Variants in PALLD observed in about 807,000 individuals in gnomAD.
PALLD encodes palladin.
In PALLD, 61 loss-of-function variants were observed where a neutral mutation model predicts 123.5. The ratio of observed to expected loss-of-function variants is 0.49; its 90% CI spans 0.40 to 0.61. PALLD has a LOEUF of 0.61. Among genes scored for constraint, PALLD ranks in the 20% least tolerant of loss-of-function variants. The probability of loss-of-function intolerance (pLI) is 0.00; values close to 1 mark genes in which losing one functional copy is unlikely to be tolerated. For synonymous variants in PALLD, 465 were observed against 496.4 expected (o/e 0.94, Z 0.84); for missense variants, 1,273 against 1,377.0 (o/e 0.92, Z 1.20).
chr4:168,927,610 C>A lies in PALLD; in HGVS notation c.*1430C>A. On this transcript the variant is annotated 3_prime_UTR_variant, in exon 22 of 22. Transcript: ENST00000505667. ...GCCATAAAGTATTTTTTCAAAGACA[C>A]CAAGATGTGGTAAATGAAAATTATT... is the stretch of plus-strand genomic sequence containing the variant. 4.4e-6 allele frequency: 1 copy of A among 228,364 alleles called. No homozygotes were observed. The highest frequency in any genetic ancestry group is 8.7e-6 in the Non-Finnish European group (1 of 114,840). 14.1% of individuals were successfully genotyped at this position (228,364 alleles called of 1,614,324 possible). A position where few individuals can be genotyped will look rare whatever the true frequency, so the allele number is the denominator to read the frequency against.
At chr4:168,516,190 T>C (rs1425245806) in intron 2 of PALLD, among the ~76,000 whole-genome samples, 1 of 152,196 alleles carries the variant, frequency 6.6e-6, no homozygotes, top group Non-Finnish European at 1.5e-5. Context: ...ACAATTGAGG[T>C]AGTATTCACA....
At chr4:168,650,850 A>T (rs1018422257) in intron 2 of PALLD, among the ~76,000 whole-genome samples, 6 of 152,060 alleles carry the variant, frequency 3.9e-5, no homozygotes, top group Non-Finnish European at 8.8e-5. Context: ...TAACAGTATT[A>T]CCAAGTATAA....
rs1475447486 is a variant in PALLD, at chr4:168,711,605, A to C, written c.1646A>C (p.Glu549Ala). 2 of 1,613,868 alleles carry C rather than the reference A, an allele frequency of 1.2e-6. No individual in the cohort carries two copies. Among genetic ancestry groups the C allele is most frequent in the Admixed American group, 1.7e-5 (1 of 60,014 alleles). Reference sequence around the variant, plus strand: ...GCCAACACTGAAAACTGTAGTTACGAGTCAATGGGAGAATCCAACAATGAC... The same window carrying C: ...GCCAACACTGAAAACTGTAGTTACGCGTCAATGGGAGAATCCAACAATGAC... ...TSANTENCSY[E>A]SMGESNNDHF... The change falls in exon 10 of 22, where the codon GAG becomes GCG. Residue 549 changes from glutamate to alanine, a missense_variant. Physicochemically the swap from Glu to Ala is moderately radical, Grantham distance 107 (BLOSUM62 -1). Around this residue, in one of 2 missense-constraint regions of PALLD, gnomAD observed 944 missense variants for 954.5 expected, o/e 0.99. Coordinates refer to ENST00000505667, the MANE Select transcript of PALLD (RefSeq NM_001166108.2).
At chr4:168,778,214 G>GT (rs201033852) in intron 10 of PALLD, among the ~76,000 whole-genome samples, 1,744 of 152,214 alleles carry the variant, frequency 0.011, 30 homozygotes, top group African/African-American at 0.039. Flanking sequence ...AAAGCAGAAT[G>GT]TTTTTAGTAG....
intron 10 of PALLD, among the ~76,000 whole-genome samples, chr4:168,716,957 G>A (rs1194817998): frequency 1.3e-5 from 2 of 152,076 alleles, no homozygotes; most frequent in Non-Finnish European, 2.9e-5. Flanking sequence ...GCCTCTTATG[G>A]CTGGCTCTTA....
intron 12 of PALLD, among the ~76,000 whole-genome samples, chr4:168,896,124 C>T (rs1265390040): frequency 6.6e-6 from 1 of 151,616 alleles, no homozygotes; most frequent in East Asian, 1.9e-4. Context: ...ACATGAGAAT[C>T]GCTTGAACCC....
chr4:168,536,988 C>T (rs889734479), intron 2 of PALLD, among the ~76,000 whole-genome samples: 3 of 152,168 alleles, frequency 2.0e-5, no homozygotes, highest in East Asian at 3.9e-4. Context: ...CCACCACGCC[C>T]GGCTAATTTT....
At chr4:168,565,023 CAAAAAAAA>C (rs761594759) in intron 2 of PALLD, among the ~76,000 whole-genome samples, 1 of 116,050 alleles carries the variant, frequency 8.6e-6, no homozygotes, top group Non-Finnish European at 1.8e-5. Flanking sequence ...CCATCTCTAC[CAAAAAAAA>C]AAAAAAAAAA....
chr4:168,785,846 G>T (rs113026070), intron 10 of PALLD, among the ~76,000 whole-genome samples: 12,335 of 81,198 alleles, frequency 0.15, 1,152 homozygotes, highest in East Asian at 0.27. Context: ...AAACTGTAGA[G>T]ATATATATAT....
At chr4:168,726,752 T>TA (rs201392402) in intron 10 of PALLD, among the ~76,000 whole-genome samples, 13,799 of 146,736 alleles carry the variant, frequency 0.094, 682 homozygotes, top group South Asian at 0.15. Flanking sequence ...GCTGTCCCTT[T>TA]AAAAAAAAAA....
At chr4:168,823,164 T>C (rs1035321749) in intron 10 of PALLD, among the ~76,000 whole-genome samples, 1 of 152,222 alleles carries the variant, frequency 6.6e-6, no homozygotes, top group Non-Finnish European at 1.5e-5. Context: ...CTTCTGGGTT[T>C]ATTAAAATTA....
At chr4:168,687,142 G>A (rs750145100) in intron 6 of PALLD, among the ~76,000 whole-genome samples, 2 of 152,154 alleles carry the variant, frequency 1.3e-5, no homozygotes, top group Non-Finnish European at 2.9e-5. Context: ...GTAAAGAAAA[G>A]CATTTTTGTA....
At chr4:168,520,481 A>G (rs1385549752) in intron 2 of PALLD, among the ~76,000 whole-genome samples, 1 of 152,168 alleles carries the variant, frequency 6.6e-6, no homozygotes, top group African/African-American at 2.4e-5. Flanking sequence ...TCCTCTTTCT[A>G]TCTTTTCCAT....
intron 8 of PALLD, among the ~76,000 whole-genome samples, chr4:168,699,414 C>T (rs1467092144): frequency 6.6e-6 from 1 of 152,036 alleles, no homozygotes; most frequent in East Asian, 1.9e-4. Context: ...TTACATTTAC[C>T]CACACTGGAT....
At chr4:168,794,817 C>T (rs575253063) in intron 10 of PALLD, among the ~76,000 whole-genome samples, 19 of 152,226 alleles carry the variant, frequency 1.2e-4, no homozygotes, top group South Asian at 2.1e-4. Flanking sequence ...TGAATATTAG[C>T]GATCATTAGT....
chr4:168,807,352 A>T (rs1740370655), intron 10 of PALLD, among the ~76,000 whole-genome samples: 1 of 151,954 alleles, frequency 6.6e-6, no homozygotes, highest in Non-Finnish European at 1.5e-5. Context: ...CTGATTCCTG[A>T]CTGTATAGAA....
At chr4:168,651,178 C>T (rs1778004720) in intron 2 of PALLD, among the ~76,000 whole-genome samples, 1 of 152,130 alleles carries the variant, frequency 6.6e-6, no homozygotes, top group African/African-American at 2.4e-5. Flanking sequence ...AATTATTGCG[C>T]AGGGATCAAT....
chr4:168,719,766 T>C (rs540210862), intron 10 of PALLD, among the ~76,000 whole-genome samples: 1 of 152,166 alleles, frequency 6.6e-6, no homozygotes, highest in Non-Finnish European at 1.5e-5. Flanking sequence ...GTGTCTGCTG[T>C]TCCCCTCCTA....
intron 2 of PALLD, among the ~76,000 whole-genome samples, chr4:168,600,987 C>A (rs978280811): frequency 5.9e-5 from 9 of 152,082 alleles, no homozygotes; most frequent in African/African-American, 2.2e-4. Context: ...AGTGAGCTGT[C>A]TTTAGCATAA....
Sources: allele counts gnomAD v4.1 joint callset (sites outside exome capture counted in the v4.1 genomes callset), GRCh38; gene constraint gnomAD v4.1.1; regional missense constraint gnomAD v4.1.1; transcripts MANE v1.5; gene names NCBI Gene and HGNC (gene_info 2026-07-23, HGNC 2026-07-21).